Variants in STIM2 observed in about 807,000 individuals in gnomAD.
The protein encoded by STIM2 is stromal interaction molecule 2.
Under a neutral mutation model 85.8 loss-of-function variants are expected in STIM2, and 31 were observed. That is an observed-to-expected ratio of 0.36 (90% CI 0.27 to 0.49). STIM2 has a LOEUF of 0.49. Among genes scored for constraint, STIM2 ranks in the 20% least tolerant of loss-of-function variants. The probability of loss-of-function intolerance (pLI) is 0.98; values close to 1 mark genes in which losing one functional copy is unlikely to be tolerated. For missense variants in STIM2, 841 were observed against 927.6 expected, an observed-to-expected ratio of 0.91 and a Z score of 1.21; for synonymous variants, 356 against 331.1, an observed-to-expected ratio of 1.08 and a Z score of -0.82.
chr4:26,972,770 G>C (rs774283892), intron 3 of STIM2, among the ~76,000 whole-genome samples: 5 of 152,180 alleles, frequency 3.3e-5, no homozygotes, highest in African/African-American at 7.2e-5. Context: ...GCGTTAGGGA[G>C]GATTCCCTCT....
chr4:27,012,156 A>C (rs1047044727), intron 10 of STIM2, among the ~76,000 whole-genome samples: 8 of 151,998 alleles, frequency 5.3e-5, no homozygotes, highest in Non-Finnish European at 1.2e-4. Context: ...ATTTTGTTTC[A>C]CTGGCCCTAT....
intron 1 of STIM2, among the ~76,000 whole-genome samples, chr4:26,910,307 T>C (rs1724288237): frequency 6.6e-6 from 1 of 151,988 alleles, no homozygotes; most frequent in Admixed American, 6.6e-5. Context: ...GGATCACTTG[T>C]GGTCAGGAGT....
chr4:27,011,797 A>G (rs1217667311), intron 10 of STIM2, among the ~76,000 whole-genome samples: 1 of 152,122 alleles, frequency 6.6e-6, no homozygotes, highest in Non-Finnish European at 1.5e-5. Context: ...GCAAGATTCC[A>G]TACTGATGTG....
intron 9 of STIM2, 42 bp downstream of exon 9, chr4:27,008,570 G>T: frequency 1.4e-6 from 2 of 1,382,992 alleles, no homozygotes; most frequent in Non-Finnish European, 2.0e-6. Flanking sequence ...TATGTTTATT[G>T]TGTTAAAATG....
At chr4:27,009,885 A>C (rs1331774934) in intron 10 of STIM2, among the ~76,000 whole-genome samples, 2 of 152,204 alleles carry the variant, frequency 1.3e-5, no homozygotes, top group African/African-American at 4.8e-5. Flanking sequence ...TAGCTTTTAA[A>C]AGTTGAATTT....
chr4:26,868,536 A>T (rs894212845), intron 1 of STIM2, among the ~76,000 whole-genome samples: 2 of 152,204 alleles, frequency 1.3e-5, no homozygotes, highest in Non-Finnish European at 2.9e-5. Flanking sequence ...GCCTCATCAA[A>T]ACCCCCTAGG....
At chr4:26,862,318 G>GTTT (rs71186494) in intron 1 of STIM2, among the ~76,000 whole-genome samples, 472 of 145,612 alleles carry the variant, frequency 3.2e-3, no homozygotes, top group South Asian at 4.3e-3. Flanking sequence ...TAAAATAATG[G>GTTT]TTTTTTTTTT....
At chr4:26,968,630 A>G (rs181549824) in intron 3 of STIM2, among the ~76,000 whole-genome samples, 1 of 152,312 alleles carries the variant, frequency 6.6e-6, no homozygotes, top group Non-Finnish European at 1.5e-5. Flanking sequence ...ATATGAATAT[A>G]CTTCATACCA....
chr4:26,917,465 G>A (rs893057827), intron 1 of STIM2, among the ~76,000 whole-genome samples: 3 of 152,100 alleles, frequency 2.0e-5, no homozygotes, highest in Admixed American at 1.3e-4. Flanking sequence ...GTGATCACTA[G>A]GAAATAGTGT....
chr4:26,918,544 A>G (rs1724677584), intron 1 of STIM2, among the ~76,000 whole-genome samples: 1 of 152,108 alleles, frequency 6.6e-6, no homozygotes, highest in African/African-American at 2.4e-5. Flanking sequence ...AGGCCATACT[A>G]TTTCTGGAAA....
intron 1 of STIM2, 172 bp downstream of exon 1, chr4:26,861,541 C>T (rs1722196262): frequency 1.9e-6 from 2 of 1,031,800 alleles, no homozygotes; most frequent in South Asian, 9.2e-5. Context: ...GGACGTCTTT[C>T]CTTTTCACCC....
At chr4:26,964,616 C>G (rs1436644714) in intron 3 of STIM2, among the ~76,000 whole-genome samples, 1 of 151,998 alleles carries the variant, frequency 6.6e-6, no homozygotes, top group Non-Finnish European at 1.5e-5. Flanking sequence ...ATTTTTGGAT[C>G]CACTGGGCTT....
chr4:27,022,470 T>C, intron 11 of STIM2, 49 bp from the exon 12 acceptor site: 2 of 1,462,022 alleles, frequency 1.4e-6, no homozygotes, highest in Non-Finnish European at 1.9e-6. Flanking sequence ...CTAGTACTCT[T>C]AAGAACATAC....
At chr4:27,010,487 C>A (rs901682814) in intron 10 of STIM2, among the ~76,000 whole-genome samples, 2 of 152,110 alleles carry the variant, frequency 1.3e-5, no homozygotes, top group Admixed American at 6.5e-5. Context: ...TTTATTATCT[C>A]TAAAAAATAA....
At chr4:27,000,827 T>C (rs79055815) in intron 5 of STIM2, among the ~76,000 whole-genome samples, 1 of 139,118 alleles carries the variant, frequency 7.2e-6, no homozygotes, top group African/African-American at 2.6e-5. Context: ...TTTTTTTTTT[T>C]AATCTTTTCC....
chr4:26,896,536 A>G (rs910343522), intron 1 of STIM2, among the ~76,000 whole-genome samples: 2 of 152,316 alleles, frequency 1.3e-5, no homozygotes, highest in South Asian at 4.1e-4. Flanking sequence ...TTCTTGCCTG[A>G]ATTTTTTTAA....
At chr4:26,969,405 A>T (rs1231982380) in intron 3 of STIM2, among the ~76,000 whole-genome samples, 1 of 152,236 alleles carries the variant, frequency 6.6e-6, no homozygotes, top group Non-Finnish European at 1.5e-5. Flanking sequence ...GAATTCTAAC[A>T]TCATTATTTT....
intron 3 of STIM2, among the ~76,000 whole-genome samples, chr4:26,964,149 T>C (rs950417649): frequency 6.6e-6 from 1 of 152,176 alleles, no homozygotes; most frequent in Non-Finnish European, 1.5e-5. Flanking sequence ...GAGACCAGAC[T>C]GTAGTGAGTC....
At chr4:26,880,881 A>G (rs1039217948) in intron 1 of STIM2, among the ~76,000 whole-genome samples, 4 of 151,714 alleles carry the variant, frequency 2.6e-5, no homozygotes, top group Non-Finnish European at 5.9e-5. Flanking sequence ...CTTCTCTTGT[A>G]TACATAGGTT....
Sources: allele counts gnomAD v4.1 joint callset (sites outside exome capture counted in the v4.1 genomes callset), GRCh38; gene constraint gnomAD v4.1.1; transcripts MANE v1.5; gene names NCBI Gene and HGNC (gene_info 2026-07-23, HGNC 2026-07-21).